Variants in TMEM135 observed in about 807,000 individuals in gnomAD.
TMEM135 encodes peroxisomal membrane protein 52.
In TMEM135, 30 loss-of-function variants were observed where a neutral mutation model predicts 60.3. The observed-to-expected ratio is 0.50, with a 90% CI of 0.37 to 0.68. The LOEUF (loss-of-function observed/expected upper bound fraction) is 0.68. Ranked by LOEUF, TMEM135 falls within the 30% of genes least tolerant of loss-of-function variation. TMEM135 has a pLI of 0.00. For missense variants in TMEM135, 468 were observed against 548.8 expected, an observed-to-expected ratio of 0.85 and a Z score of 1.47; for synonymous variants, 190 against 186.7, an observed-to-expected ratio of 1.02 and a Z score of -0.14.
intron 1 of TMEM135, among the ~76,000 whole-genome samples, chr11:87,039,714 T>C (rs142840525): frequency 6.6e-6 from 1 of 152,336 alleles, no homozygotes; most frequent in African/African-American, 2.4e-5. Flanking sequence ...TATACAACTA[T>C]AGAAAAGATT....
intron 3 of TMEM135, among the ~76,000 whole-genome samples, chr11:87,085,246 A>C (rs1857071308): frequency 6.6e-6 from 1 of 152,114 alleles, no homozygotes; most frequent in South Asian, 2.1e-4. Flanking sequence ...CTTCAGAGAT[A>C]ATATTCTCTC....
rs891114700 is a variant in TMEM135, at chr11:87,326,929, T to C, written c.*5596T>C. 2.4e-6 allele frequency: 1 copy of C among 419,724 alleles called. No individual in the cohort carries two copies. The highest frequency in any genetic ancestry group is 4.7e-6 in the Non-Finnish European group (1 of 214,626). 26.0% of individuals were successfully genotyped at this position (419,724 alleles called of 1,614,324 possible). On this transcript the variant is annotated 3_prime_UTR_variant, in exon 15 of 15. Transcript: ENST00000305494. The stretch of plus-strand genomic sequence containing the variant: ...TGAGGACCTTTTTTTTTTTTTTTTT[T>C]TCACTAAAACGCTTCCTATAACTTG...
At chr11:87,189,980 G>A (rs1290380174) in intron 5 of TMEM135, among the ~76,000 whole-genome samples, 1 of 152,038 alleles carries the variant, frequency 6.6e-6, no homozygotes, top group Non-Finnish European at 1.5e-5. Flanking sequence ...AAATCATTTG[G>A]AAAGGCCAAA....
At chr11:87,313,537 A>G in intron 11 of TMEM135, 49 bp downstream of exon 11, 2 of 1,468,186 alleles carry the variant, frequency 1.4e-6, no homozygotes, top group Non-Finnish European at 1.9e-6. Flanking sequence ...AATCAGTGGT[A>G]GGAATGAATT....
intron 5 of TMEM135, among the ~76,000 whole-genome samples, chr11:87,185,925 T>TTTTTTTTTTTTTTA (rs1939642499): frequency 1.3e-5 from 2 of 151,684 alleles, no homozygotes; most frequent in African/African-American, 2.4e-5. Context: ...TTTTTTTTTG[T>TTTTTTTTTTTTTTA]GAGACAGAGG....
chr11:87,212,460 A>G (rs1026386675), intron 5 of TMEM135, among the ~76,000 whole-genome samples: 1 of 152,192 alleles, frequency 6.6e-6, no homozygotes, highest in Admixed American at 6.5e-5. Context: ...CATTCAAGAA[A>G]GGGAGAACAA....
intron 14 of TMEM135, 76 bp from the exon 15 acceptor site, chr11:87,321,120 CATAAG>C (rs139466681): frequency 0.1 from 132,217 of 1,323,036 alleles, 6,954 homozygotes; most frequent in East Asian, 0.11. Flanking sequence ...TCCCATCCCA[CATAAG>C]ATAAGTCAAC....
chr11:87,272,681 T>C (rs886165312), intron 6 of TMEM135, among the ~76,000 whole-genome samples: 2 of 152,114 alleles, frequency 1.3e-5, no homozygotes, highest in African/African-American at 4.8e-5. Flanking sequence ...GGGCTGGTCT[T>C]GAACTCCTGG....
chr11:87,305,572 G>A (rs921066757), intron 8 of TMEM135, among the ~76,000 whole-genome samples: 3 of 151,952 alleles, frequency 2.0e-5, no homozygotes, highest in Non-Finnish European at 4.4e-5. Flanking sequence ...TCAGGAGCTC[G>A]AGACCAGCCT....
intron 5 of TMEM135, among the ~76,000 whole-genome samples, chr11:87,197,985 T>C (rs1456719962): frequency 1.3e-5 from 2 of 152,186 alleles, no homozygotes; most frequent in Non-Finnish European, 2.9e-5. Flanking sequence ...TAAATCTTTA[T>C]GGGCTACATG....
intron 5 of TMEM135, among the ~76,000 whole-genome samples, chr11:87,173,250 A>G (rs1939286093): frequency 6.6e-6 from 1 of 152,178 alleles, no homozygotes; most frequent in Admixed American, 6.5e-5. Context: ...GAATGCCAGG[A>G]ACTGGTGGCT....
At chr11:87,216,338 T>C (rs1940500036) in intron 5 of TMEM135, among the ~76,000 whole-genome samples, 1 of 151,980 alleles carries the variant, frequency 6.6e-6, no homozygotes, top group Non-Finnish European at 1.5e-5. Flanking sequence ...TGAATTTCTC[T>C]CTCCTGCCTC....
chr11:87,097,882 C>T (rs1257432040), intron 4 of TMEM135, among the ~76,000 whole-genome samples: 3 of 152,188 alleles, frequency 2.0e-5, no homozygotes, highest in Non-Finnish European at 4.4e-5. Flanking sequence ...CTTCATGTAA[C>T]TTATACCCCT....
At chr11:87,150,215 CAAAAAAAA>C (rs200067307) in intron 4 of TMEM135, among the ~76,000 whole-genome samples, 2 of 109,908 alleles carry the variant, frequency 1.8e-5, no homozygotes, top group African/African-American at 3.3e-5. Flanking sequence ...AACTCTGTCT[CAAAAAAAA>C]AAAAAAAAAA....
At chr11:87,103,761 C>T (rs1857522949) in intron 4 of TMEM135, among the ~76,000 whole-genome samples, 1 of 151,992 alleles carries the variant, frequency 6.6e-6, no homozygotes, top group African/African-American at 2.4e-5. Context: ...CAGGGTCAAG[C>T]AGTCCTCCCA....
In TMEM135 at chr11:87,147,838, A is replaced by C. The variant is rs559850240; in HGVS notation, c.397-9503A>C. Among the ~76,000 whole-genome samples, 1,436 of 151,350 alleles carry C rather than the reference A, an allele frequency of 9.5e-3. 10 individuals are homozygous for C. The highest frequency in any genetic ancestry group is 0.021 in the Middle Eastern group (6 of 290). On this transcript the variant is annotated intron_variant, in intron 4 of 14. Transcript: ENST00000305494. ...AGTGGCACAATCTTGGCTCACTGCA[A>C]CCTCCACCTCCTGGGTTCAAGTGAT...
intron 7 of TMEM135, among the ~76,000 whole-genome samples, chr11:87,298,335 G>A (rs1942383522): frequency 6.6e-6 from 1 of 152,112 alleles, no homozygotes; most frequent in Non-Finnish European, 1.5e-5. Context: ...ATGGCTTAAG[G>A]AAGTGCTTAT....
chr11:87,161,498 T>C (rs1054652107), intron 5 of TMEM135, among the ~76,000 whole-genome samples: 1 of 152,166 alleles, frequency 6.6e-6, no homozygotes, highest in African/African-American at 2.4e-5. Context: ...TTGGTGTTTT[T>C]TCATTTGGTT....
At chr11:87,043,357 T>C (rs192615500) in intron 1 of TMEM135, among the ~76,000 whole-genome samples, 1 of 152,232 alleles carries the variant, frequency 6.6e-6, no homozygotes, top group African/African-American at 2.4e-5. Context: ...TTATATTGTA[T>C]TTCTTGAATG....
Sources: gnomAD v4.1 joint callset for allele counts (sites outside exome capture counted in the v4.1 genomes callset) on GRCh38, gnomAD v4.1.1 for gene constraint, MANE v1.5 for transcripts, NCBI Gene and HGNC (gene_info 2026-07-23, HGNC 2026-07-21) for gene names.